The following ELL variants were observed in gnomAD, a reference collection of about 807,000 sequenced individuals.
The protein encoded by ELL is elongation factor for RNA polymerase II.
A neutral mutation model predicts 64.0 loss-of-function variants in ELL; 18 were observed. That is an observed-to-expected ratio of 0.28 (90% CI 0.19 to 0.42). ELL has a LOEUF of 0.42. Among genes scored for constraint, ELL ranks in the 10% least tolerant of loss-of-function variants. The pLI is 1.00. For synonymous variants in ELL, 399 were observed against 376.2 expected, an observed-to-expected ratio of 1.06 and a Z score of -0.70; for missense variants, 797 against 870.4, an observed-to-expected ratio of 0.92 and a Z score of 1.06.
intron 11 of ELL, 43 bp downstream of exon 11, chr19:18,445,181 C>T: frequency 6.2e-7 from 1 of 1,612,876 alleles, no homozygotes; most frequent in Non-Finnish European, 8.5e-7. Flanking sequence ...CCTCCAGCTC[C>T]CATGGCTCAC....
At chr19:18,481,381 T>C (rs886702371) in intron 1 of ELL, among the ~76,000 whole-genome samples, 1 of 152,150 alleles carries the variant, frequency 6.6e-6, no homozygotes, top group African/African-American at 2.4e-5. Flanking sequence ...GGGGAGGACC[T>C]TTCCTGGCCT....
chr19:18,510,535 G>C (rs1975996554), intron 1 of ELL, among the ~76,000 whole-genome samples: 1 of 152,136 alleles, frequency 6.6e-6, no homozygotes, highest in Non-Finnish European at 1.5e-5. Flanking sequence ...CTGAGCCCAG[G>C]TGATCCTGCT....
At chr19:18,495,230 G>A (rs928725708) in intron 1 of ELL, among the ~76,000 whole-genome samples, 1 of 152,178 alleles carries the variant, frequency 6.6e-6, no homozygotes, top group African/African-American at 2.4e-5. Flanking sequence ...GACCCCAGGA[G>A]ACTGCAGGCC....
intron 1 of ELL, among the ~76,000 whole-genome samples, chr19:18,483,054 T>C (rs1014936479): frequency 2.0e-5 from 3 of 152,136 alleles, no homozygotes; most frequent in Admixed American, 2.0e-4. Context: ...GTGCTGGGAT[T>C]ATAAGCGTGA....
chr19:18,470,723 G>A (rs1453996775), intron 2 of ELL, among the ~76,000 whole-genome samples: 1 of 152,202 alleles, frequency 6.6e-6, no homozygotes, highest in Non-Finnish European at 1.5e-5. Flanking sequence ...ACCCTCGATG[G>A]TCTGGGTGGT....
Position 18,446,445 on chromosome 19 carries a change from T to C in ELL, c.1568A>G (p.Gln523Arg). The change falls in exon 10 of 12, where the codon CAG becomes CGG. Residue 523 changes from glutamine (Q) to arginine (R), a missense_variant. Transcript: ENST00000262809. ...GGCATTGAAGTCGTTCTTGTAGCTC[T>C]GGCGCTGCTCCGAAGAGGAGATGGC... Reference protein sequence around the residue: ...YAAISSSEQRQSYKNDFNAEY... With the variant: ...YAAISSSEQRRSYKNDFNAEY... 6.2e-7 allele frequency: 1 copy of C among 1,613,002 alleles called. No individual in the cohort carries two copies. The highest frequency in any genetic ancestry group is 8.5e-7 in the Non-Finnish European group (1 of 1,179,960).
intron 8 of ELL, among the ~76,000 whole-genome samples, chr19:18,448,000 G>C (rs927307799): frequency 6.6e-6 from 1 of 151,690 alleles, no homozygotes; most frequent in Non-Finnish European, 1.5e-5. Flanking sequence ...TGCCCAGGCT[G>C]GTCTGAAACT....
At chr19:18,506,473 GC>G (rs1290720670) in intron 1 of ELL, among the ~76,000 whole-genome samples, 1 of 152,240 alleles carries the variant, frequency 6.6e-6, no homozygotes, top group African/African-American at 2.4e-5. Context: ...ACGCCTGTAA[GC>G]CCAGCACATT....
intron 2 of ELL, among the ~76,000 whole-genome samples, chr19:18,467,806 CA>C (rs1309433433): frequency 3.2e-5 from 3 of 93,326 alleles, no homozygotes; most frequent in Admixed American, 1.2e-4. Flanking sequence ...ACAATCCCCC[CA>C]CACACACAAA....
rs868090270 is a variant in ELL, at chr19:18,449,538, G to A, written c.1465+939C>T. 2.0e-5 allele frequency among the ~76,000 whole-genome samples: 3 copies of A among 152,236 alleles called. No individual in the cohort carries two copies. The highest frequency in any genetic ancestry group is 2.1e-4 in the South Asian group (1 of 4,820). On this transcript the variant is annotated intron_variant, in intron 8 of 11. Transcript: ENST00000262809. The surrounding 1 kb of genome is among the most constrained non-coding windows in gnomAD (Gnocchi z 4.4). Reference sequence around the variant, plus strand: ...CTGCTCTCCAGCCACAGCAGGGGACGGGGCATGGCCCTCTGAGCAACGCAA... The same window carrying A: ...CTGCTCTCCAGCCACAGCAGGGGACAGGGCATGGCCCTCTGAGCAACGCAA...
chr19:18,471,558 C>T (rs939399071), intron 2 of ELL, among the ~76,000 whole-genome samples: 4 of 152,172 alleles, frequency 2.6e-5, no homozygotes, highest in African/African-American at 9.7e-5. Context: ...ATCTCAGCTA[C>T]TTGGGAGGCT....
chr19:18,455,955 G>A (rs1362428485), intron 6 of ELL, among the ~76,000 whole-genome samples: 1 of 151,976 alleles, frequency 6.6e-6, no homozygotes, highest in Non-Finnish European at 1.5e-5. Flanking sequence ...AAAATTAGCC[G>A]GGCATGGTGC....
Position 18,450,883 on chromosome 19 carries a change from G to A in ELL, c.1059C>T (p.Asn353=), listed in dbSNP as rs746206212. 37 of 1,577,924 alleles carry A rather than the reference G, an allele frequency of 2.3e-5. No homozygotes were observed. In the East Asian group the frequency reaches 5.4e-4, roughly 23 times the overall value. The change falls in exon 8 of 12, where the codon AAC becomes AAT. Residue 353 remains asparagine, a synonymous_variant. Transcript: ENST00000262809. ...HFTQRAQPAV[N]GKLGVPNGRE... The stretch of plus-strand genomic sequence containing the variant: ...GGCCATTGGGCACGCCCAGCTTCCC[G>A]TTGACGGCAGGCTGAGCTCTCTGAG...
intron 8 of ELL, among the ~76,000 whole-genome samples, chr19:18,447,096 T>C (rs1469140752): frequency 6.6e-6 from 1 of 152,162 alleles, no homozygotes; most frequent in African/African-American, 2.4e-5. Context: ...CACCCAGGCA[T>C]CACCACAGTC....
intron 1 of ELL, among the ~76,000 whole-genome samples, chr19:18,512,134 G>A (rs1487374457): frequency 2.0e-5 from 3 of 148,504 alleles, no homozygotes; most frequent in Non-Finnish European, 4.4e-5. Flanking sequence ...CAGTCTAGGC[G>A]ACAGAGTAAG....
At chr19:18,493,744 G>A (rs1437232969) in intron 1 of ELL, among the ~76,000 whole-genome samples, 2 of 152,328 alleles carry the variant, frequency 1.3e-5, no homozygotes, top group East Asian at 1.9e-4. Flanking sequence ...ACAGGGGCTA[G>A]GGAAGAAAGT....
intron 2 of ELL, among the ~76,000 whole-genome samples, chr19:18,467,631 CCACACACACACACACACACACACA>C (rs56351300): frequency 1.5e-5 from 1 of 66,970 alleles, no homozygotes; most frequent in Non-Finnish European, 2.8e-5. Context: ...CACCACACAA[CCACACACACACACACACACACACA>C]CACACACACA....
In ELL at chr19:18,451,059, C is replaced by T. The variant is rs564696283; in HGVS notation, c.967-84G>A. 7.8e-6 allele frequency: 11 copies of T among 1,414,052 alleles called. No homozygotes were observed. In the Admixed American group the frequency reaches 3.1e-4, roughly 40 times the overall value. The allele number at this position is 1,414,052 out of a possible 1,614,324, so 87.6% of individuals were successfully genotyped here. A position where few individuals can be genotyped will look rare whatever the true frequency, so the allele number is the denominator to read the frequency against. ...CAATCCCCTGGCCTGGCTAGAAAAC[C>T]CAACGCCGCCTGCAAGGCCCACGCT... On this transcript the variant is annotated intron_variant, in intron 7 of 11. Transcript: ENST00000262809.
chr19:18,497,533 C>T (rs186984795), intron 1 of ELL, among the ~76,000 whole-genome samples: 33 of 152,238 alleles, frequency 2.2e-4, no homozygotes, highest in Admixed American at 1.3e-4. Context: ...ATGATAAAGA[C>T]GTCAGGCTGG....
Sources: gnomAD v4.1 joint callset for allele counts (sites outside exome capture counted in the v4.1 genomes callset) on GRCh38, gnomAD v4.1.1 for gene constraint, Gnocchi (gnomAD v3.1) non-coding constraint, MANE v1.5 for transcripts, NCBI Gene and HGNC (gene_info 2026-07-23, HGNC 2026-07-21) for gene names.